The following UBR4 variants were observed in gnomAD, a reference collection of about 807,000 sequenced individuals.
UBR4 encodes the protein E3 ubiquitin-protein ligase UBR4.
A neutral mutation model predicts 575.6 loss-of-function variants in UBR4; 124 were observed. The ratio of observed to expected loss-of-function variants is 0.22; its 90% confidence interval spans 0.19 to 0.25. UBR4 has a LOEUF of 0.25. Among genes scored for constraint, UBR4 ranks in the 10% least tolerant of loss-of-function variants. UBR4 has a pLI of 1.00. For missense variants in UBR4, 4,818 were observed against 6,478.8 expected, an observed-to-expected ratio of 0.74 and a Z score of 8.80; for synonymous variants, 2,455 against 2,473.7, an observed-to-expected ratio of 0.99 and a Z score of 0.22.
Position 19,185,198 on chromosome 1 carries a change from T to C in UBR4, c.1839A>G (p.Pro613=). The change falls in exon 15 of 106, where the codon CCA becomes CCG. Residue 613 remains proline, a synonymous_variant. Transcript: ENST00000375254. ...KEKAAPPPPP[P]PPPLESSPRV... ...GAGGAGAGCTTTCCAGTGGAGGAGG[T>C]GGGGGAGGAGGCGGAGGTGCTGCTT... is the stretch of plus-strand genomic sequence containing the variant. 1 of 1,613,854 alleles carries C rather than the reference T, an allele frequency of 6.2e-7. No individual in the cohort carries two copies.
At chr1:19,184,992 A>G (rs2091381813) in intron 15 of UBR4, 107 bp downstream of exon 15, 1 of 1,364,642 alleles carries the variant, frequency 7.3e-7, no homozygotes, top group South Asian at 1.3e-5. Context: ...ATATCTTTAA[A>G]CATTACAGTT....
At chr1:19,179,278 G>T in intron 17 of UBR4, 58 bp from the exon 18 acceptor site, 1 of 1,447,262 alleles carries the variant, frequency 6.9e-7, no homozygotes, top group Non-Finnish European at 9.1e-7. Context: ...AAAGTCAAAA[G>T]GTTACTCATG....
At position 19,152,932 on chromosome 1, in the gene UBR4, A is replaced by G. The variant is rs2085937412; in HGVS notation, c.6832+369T>C. Among the ~76,000 whole-genome samples, 1 of 152,238 alleles carries G rather than the reference A, an allele frequency of 6.6e-6. No homozygotes were observed. The highest frequency in any genetic ancestry group is 2.4e-5 in the African/African-American group (1 of 41,460). ...AAGAGTCCTGAGTCAGTCAAGTGCT[A>G]GACCACCAGCTCAGAGACCTGTGGT... On this transcript the variant is annotated intron_variant, in intron 46 of 105. Transcript: ENST00000375254. This position sits in a 1 kb window ranked among gnomAD's most constrained non-coding sequence, Gnocchi z 4.4.
chr1:19,164,742 A>G, intron 32 of UBR4, 57 bp downstream of exon 32: 2 of 1,591,040 alleles, frequency 1.3e-6, no homozygotes, highest in African/African-American at 1.3e-5. Context: ...ATAACTGCAA[A>G]TATCAACGTG....
At chr1:19,082,041 TTGTTA>T (rs2076568628) in intron 102 of UBR4, 1 of 535,576 alleles carries the variant, frequency 1.9e-6, no homozygotes, top group East Asian at 2.9e-5. Flanking sequence ...CCACATAGTC[TTGTTA>T]TGTTATGTTT....
intron 1 of UBR4, 115 bp downstream of exon 1, chr1:19,209,958 T>A: frequency 2.2e-6 from 3 of 1,338,004 alleles, no homozygotes; most frequent in Non-Finnish European, 2.9e-6. Context: ...AAGCCGTGGC[T>A]GTGGCGGGGA....
At chr1:19,101,756 A>C (rs1380482251) in intron 87 of UBR4, 115 bp from the exon 88 acceptor site, 23 of 1,474,270 alleles carry the variant, frequency 1.6e-5, no homozygotes, top group Non-Finnish European at 2.1e-5. Flanking sequence ...TAAGTCTTTA[A>C]ATGCCCTACA....
At position 19,207,359 on chromosome 1, in the gene UBR4, T is replaced by C. The variant is rs373875482; in HGVS notation, c.176+2714A>G. Among the ~76,000 whole-genome samples the C allele has an allele frequency of 2.7e-3, 413 of 152,384 alleles. 3 individuals carry two copies. Among genetic ancestry groups the C allele is most frequent in the South Asian group, 0.011 (52 of 4,832 alleles). Reference sequence around the variant, plus strand: ...AATAAAACCTTTGGGCTGGGTGCAGTGGCTCACGCCTGTAATCCCAGCACT... The same window carrying C: ...AATAAAACCTTTGGGCTGGGTGCAGCGGCTCACGCCTGTAATCCCAGCACT... On this transcript the variant is annotated intron_variant, in intron 1 of 105. Coordinates refer to ENST00000375254, the MANE Select transcript of UBR4 (RefSeq NM_020765.3).
rs1318328523 is a variant in UBR4, at chr1:19,177,652, G to A, written c.2446C>T (p.Leu816Phe). The change falls in exon 19 of 106, where the codon CTC (leucine) becomes TTC (phenylalanine). Residue 816 changes from leucine (L) to phenylalanine (F), a missense_variant. Coordinates refer to ENST00000375254, the MANE Select transcript of UBR4 (RefSeq NM_020765.3). Reference sequence around the variant, plus strand: ...GTCTCGGTGAAATTGTGGAAAATGAGGAGGAGCATCTGCAGGTGTTCTACA... The same window carrying A: ...GTCTCGGTGAAATTGTGGAAAATGAAGAGGAGCATCTGCAGGTGTTCTACA... ...LNVEHLQMLL[L>F]IFHNFTETGR... is the part of the protein sequence containing the mutation. 2 of 1,614,016 alleles carry A rather than the reference G, an allele frequency of 1.2e-6. No homozygotes were observed. Among genetic ancestry groups the A allele is most frequent in the Non-Finnish European group, 8.5e-7 (1 of 1,179,986 alleles).
chr1:19,175,273 A>T (rs551869572), intron 20 of UBR4, among the ~76,000 whole-genome samples: 2 of 148,762 alleles, frequency 1.3e-5, no homozygotes, highest in African/African-American at 4.8e-5. Flanking sequence ...ACAACCAAAA[A>T]TATCTAGACA....
rs1348786390 is a variant in UBR4, at chr1:19,184,190, C to A, written c.1939-15G>T. 1.9e-6 allele frequency: 3 copies of A among 1,609,878 alleles called. No homozygotes were observed. The highest frequency in any genetic ancestry group is 3.4e-5 in the Admixed American group (2 of 58,944). On this transcript the variant is annotated splice_polypyrimidine_tract_variant and intron_variant, in intron 15 of 105. Coordinates refer to ENST00000375254, the MANE Select transcript of UBR4 (RefSeq NM_020765.3). Reference sequence around the variant, plus strand: ...AGACCTAAGAACTGAAAGGAACACACACAAAAAAGCTCTTATCAGGGTCAT... The same window carrying A: ...AGACCTAAGAACTGAAAGGAACACAAACAAAAAAGCTCTTATCAGGGTCAT...
At chr1:19,210,038 C>A in intron 1 of UBR4, 35 bp downstream of exon 1, 2 of 1,519,956 alleles carry the variant, frequency 1.3e-6, no homozygotes, top group Non-Finnish European at 1.8e-6. Flanking sequence ...CCTCCCCCCA[C>A]AACAGCGTCG....
chr1:19,115,982 C>T (rs1242192377), intron 73 of UBR4, among the ~76,000 whole-genome samples: 1 of 152,164 alleles, frequency 6.6e-6, no homozygotes, highest in African/African-American at 2.4e-5. Context: ...TGCCAAGTTC[C>T]CATCCTGACA....
chr1:19,155,367 CAAAGAAA>C, intron 43 of UBR4, 67 bp downstream of exon 43: 1 of 1,425,144 alleles, frequency 7.0e-7, no homozygotes, highest in Non-Finnish European at 9.6e-7. Context: ...TATAAAAGAA[CAAAGAAA>C]AAAGAATAGA....
chr1:19,150,973 G>T (rs1232897692), intron 48 of UBR4, 180 bp from the exon 49 acceptor site: 4 of 673,962 alleles, frequency 5.9e-6, no homozygotes. Flanking sequence ...AATACATGTG[G>T]TAAAAGTTCC....
intron 65 of UBR4, 80 bp downstream of exon 65, chr1:19,124,461 T>C: frequency 1.3e-6 from 2 of 1,553,510 alleles, no homozygotes; most frequent in Non-Finnish European, 1.7e-6. Context: ...CAAGTAAGGA[T>C]GAGGAAGAAA....
Position 19,201,748 on chromosome 1 carries a change from T to C in UBR4, c.244A>G (p.Thr82Ala). 1 of 1,614,106 alleles carries C rather than the reference T, an allele frequency of 6.2e-7. No homozygotes were observed. Among genetic ancestry groups the C allele is most frequent in the Non-Finnish European group, 8.5e-7 (1 of 1,179,968 alleles). Residue 82 changes from threonine to alanine, a missense_variant, in exon 2 of 106, where the codon ACA (threonine) becomes GCA (alanine). Physicochemically the swap from Thr to Ala is moderately conservative, Grantham distance 58. Around this residue, in one of 29 missense-constraint regions of UBR4, gnomAD observed 85 missense variants for 134.2 expected, o/e 0.63. Coordinates refer to ENST00000375254, the MANE Select transcript of UBR4 (RefSeq NM_020765.3). ...CTGCAAACTGTTGTAATATAGTGTG[T>C]GGAAAGTGCAACAAAAGATGAGTAG... Reference protein sequence around the residue: ...PFYSSFVALSTHYITTVCSLI... With the variant: ...PFYSSFVALSAHYITTVCSLI...
At chr1:19,168,309 G>C (rs1350404291) in intron 27 of UBR4, 125 bp from the exon 28 acceptor site, 15 of 835,086 alleles carry the variant, frequency 1.8e-5, no homozygotes, top group Non-Finnish European at 2.4e-5. Flanking sequence ...CCTCTACTCA[G>C]TATACACTGT....
Position 19,100,658 on chromosome 1 carries a change from G to A in UBR4, c.13024-85C>T. On this transcript the variant is annotated intron_variant, in intron 88 of 105. Coordinates refer to ENST00000375254, the MANE Select transcript of UBR4 (RefSeq NM_020765.3). This position sits in a 1 kb window ranked among gnomAD's most constrained non-coding sequence, Gnocchi z 4.2. ...GCTACCTTGTTCCATGGACACTCGAGGAAAACACACCAAACTCAGCAAGCC... is the reference window on the plus strand; with the variant it reads ...GCTACCTTGTTCCATGGACACTCGAAGAAAACACACCAAACTCAGCAAGCC... 1.5e-6 allele frequency: 2 copies of A among 1,346,454 alleles called. No individual in the cohort carries two copies. The highest frequency in any genetic ancestry group is 1.8e-5 in the Admixed American group (1 of 54,998). The allele number at this position is 1,346,454 out of a possible 1,614,324, so 83.4% of individuals were successfully genotyped here.
Sources: allele counts gnomAD v4.1 joint callset (sites outside exome capture counted in the v4.1 genomes callset), GRCh38; gene constraint gnomAD v4.1.1; regional missense constraint gnomAD v4.1.1; non-coding constraint Gnocchi (gnomAD v3.1); transcripts MANE v1.5; gene names NCBI Gene and HGNC (gene_info 2026-07-23, HGNC 2026-07-21).